Variants in INPP4B observed in about 807,000 individuals in gnomAD.
INPP4B encodes the protein inositol polyphosphate 4-phosphatase type II.
Under a neutral mutation model 122.5 loss-of-function variants are expected in INPP4B, and 55 were observed. The observed-to-expected ratio is 0.45, with a 90% CI of 0.36 to 0.56. The LOEUF is 0.56. INPP4B is among the 20% of genes least tolerant of loss of function. The pLI is 0.00. For synonymous variants in INPP4B, 403 were observed against 388.7 expected, an observed-to-expected ratio of 1.04 and a Z score of -0.43; for missense variants, 1,000 against 1,097.7, an observed-to-expected ratio of 0.91 and a Z score of 1.26.
intron 9 of INPP4B, among the ~76,000 whole-genome samples, chr4:142,302,377 A>T (rs940961361): frequency 9.9e-5 from 15 of 152,162 alleles, no homozygotes; most frequent in African/African-American, 3.6e-4. Flanking sequence ...TGTGATATGA[A>T]TTTCAACTAG....
chr4:142,425,390 G>A (rs1282090312), intron 5 of INPP4B: 1 of 151,960 alleles, frequency 6.6e-6, no homozygotes, highest in African/African-American at 2.4e-5. Context: ...CCAGCAAATG[G>A]TCCTCCACTA....
rs763724864 is a variant in INPP4B at position 142,353,255 on chromosome 4, A to G, written c.373-38493T>C. Among the ~76,000 whole-genome samples, 74 of 152,034 alleles carry G rather than the reference A, an allele frequency of 4.9e-4. 1 individual carries two copies. The highest frequency in any genetic ancestry group is 1.5e-4 in the Non-Finnish European group (10 of 67,962). On this transcript the variant is annotated intron_variant, in intron 7 of 25. Coordinates refer to ENST00000262992, the MANE Select transcript of INPP4B (RefSeq NM_001101669.3). ...TCCTCAGGAAAGTTTCAAGACTTTG[A>G]AAACAGAACCTTATATTGCAATGCT...
rs142508172 is a variant in INPP4B, at chr4:142,441,031, G to A, written c.-126-9646C>T. Among the ~76,000 whole-genome samples the A allele has an allele frequency of 1.1e-4, 16 of 152,184 alleles. No individual in the cohort carries two copies. The East Asian group carries it at 2.9e-3, about 28-fold the overall frequency. On this transcript the variant is annotated intron_variant, in intron 3 of 25. Transcript: ENST00000262992. ...CCAGAGAAAAACTAGCAAGACAAGC[G>A]GAGATCAGAGAAAAAGCTTGAAGGC...
At chr4:142,453,791 A>G (rs1388181777) in intron 3 of INPP4B, among the ~76,000 whole-genome samples, 1 of 152,172 alleles carries the variant, frequency 6.6e-6, no homozygotes, top group East Asian at 1.9e-4. Flanking sequence ...TGAGAATAAG[A>G]GCAAAAAATG....
intron 12 of INPP4B, among the ~76,000 whole-genome samples, chr4:142,229,567 G>A (rs1853235948): frequency 6.6e-6 from 1 of 152,114 alleles, no homozygotes; most frequent in African/African-American, 2.4e-5. Context: ...GCTTACGGAA[G>A]TCCTGAAAAT....
intron 2 of INPP4B, among the ~76,000 whole-genome samples, chr4:142,621,971 A>C (rs1342303522): frequency 6.6e-6 from 1 of 151,990 alleles, no homozygotes; most frequent in Non-Finnish European, 1.5e-5. Context: ...CAGAAGATTA[A>C]GTAACTTAAT....
chr4:142,578,054 G>C (rs995537412), intron 2 of INPP4B, among the ~76,000 whole-genome samples: 1 of 151,962 alleles, frequency 6.6e-6, no homozygotes, highest in Non-Finnish European at 1.5e-5. Context: ...CTAGGAGAGG[G>C]AAAAACCACA....
intron 7 of INPP4B, among the ~76,000 whole-genome samples, chr4:142,354,803 A>C (rs1193207181): frequency 6.6e-6 from 1 of 152,052 alleles, no homozygotes; most frequent in Non-Finnish European, 1.5e-5. Flanking sequence ...GAGATTAGGG[A>C]GACAAGCTAA....
intron 2 of INPP4B, among the ~76,000 whole-genome samples, chr4:142,552,120 C>A (rs1728118152): frequency 6.6e-6 from 1 of 152,170 alleles, no homozygotes; most frequent in Non-Finnish European, 1.5e-5. Flanking sequence ...TGAAATCACT[C>A]TTACAGAATT....
At chr4:142,666,639 C>G (rs1756136105) in intron 2 of INPP4B, among the ~76,000 whole-genome samples, 2 of 151,624 alleles carry the variant, frequency 1.3e-5, no homozygotes, top group African/African-American at 2.4e-5. Flanking sequence ...TTGGCCTTCT[C>G]TGTGTGTGTG....
intron 1 of INPP4B, among the ~76,000 whole-genome samples, chr4:142,842,281 T>C (rs1783585308): frequency 6.6e-6 from 1 of 151,584 alleles, no homozygotes; most frequent in African/African-American, 2.4e-5. Flanking sequence ...GAAACTCAGT[T>C]TGAAATATAT....
intron 14 of INPP4B, 66 bp from the exon 15 acceptor site, chr4:142,193,261 T>C: frequency 1.1e-6 from 1 of 897,800 alleles, no homozygotes; most frequent in South Asian, 1.4e-5. Flanking sequence ...GCTGTTTGCA[T>C]TGAAGCATAC....
chr4:142,034,447 C>A (rs1376593168), intron 25 of INPP4B, among the ~76,000 whole-genome samples: 1 of 152,004 alleles, frequency 6.6e-6, no homozygotes, highest in East Asian at 1.9e-4. Flanking sequence ...CTTTGCTCTG[C>A]CCCCGCGATC....
intron 2 of INPP4B, among the ~76,000 whole-genome samples, chr4:142,573,158 G>T (rs572178324): frequency 2.0e-5 from 3 of 151,944 alleles, no homozygotes; most frequent in African/African-American, 7.2e-5. Context: ...AAGAGCTAAG[G>T]GGGAAAGTGC....
chr4:142,273,387 C>G (rs1746844687), intron 9 of INPP4B, among the ~76,000 whole-genome samples: 1 of 151,888 alleles, frequency 6.6e-6, no homozygotes, highest in Non-Finnish European at 1.5e-5. Context: ...TATAAGGTCT[C>G]ATGGCATATG....
At chr4:142,841,528 A>G (rs1037553510) in intron 1 of INPP4B, among the ~76,000 whole-genome samples, 1 of 151,946 alleles carries the variant, frequency 6.6e-6, no homozygotes, top group African/African-American at 2.4e-5. Context: ...CACTACAACT[A>G]TCTATTCTAA....
intron 11 of INPP4B, among the ~76,000 whole-genome samples, chr4:142,259,838 C>T (rs539654058): frequency 2.6e-5 from 4 of 152,128 alleles, no homozygotes; most frequent in East Asian, 1.9e-4. Context: ...AAAACACACA[C>T]CTTAGCCTAG....
At chr4:142,145,803 A>C (rs372396346) in intron 18 of INPP4B, 37 bp downstream of exon 18, 1 of 1,588,058 alleles carries the variant, frequency 6.3e-7, no homozygotes, top group African/African-American at 1.4e-5. Flanking sequence ...CATTTTGTTT[A>C]CTCAGTAAAT....
intron 2 of INPP4B, among the ~76,000 whole-genome samples, chr4:142,630,119 C>T (rs756875813): frequency 2.0e-4 from 30 of 152,190 alleles, no homozygotes; most frequent in Middle Eastern, 3.4e-3. Context: ...GTTCTGTTCC[C>T]GCCATGATGA....
Sources: allele counts gnomAD v4.1 joint callset (sites outside exome capture counted in the v4.1 genomes callset), GRCh38; gene constraint gnomAD v4.1.1; transcripts MANE v1.5; gene names NCBI Gene and HGNC (gene_info 2026-07-23, HGNC 2026-07-21).